Variants in CDKAL1 observed in about 807,000 individuals in gnomAD.
CDKAL1 encodes the protein CDKAL1 threonylcarbamoyladenosine tRNA methylthiotransferase, also known as threonylcarbamoyladenosine tRNA methylthiotransferase.
Under a neutral mutation model 68.2 loss-of-function variants are expected in CDKAL1, and 32 were observed. The ratio of observed to expected loss-of-function variants is 0.47; its 90% CI spans 0.35 to 0.63. The LOEUF is 0.63. Among genes scored for constraint, CDKAL1 ranks in the 30% least tolerant of loss-of-function variants. The probability of loss-of-function intolerance (pLI) is 0.00; values close to 1 mark genes in which losing one functional copy is unlikely to be tolerated. For synonymous variants in CDKAL1, 234 were observed against 244.3 expected (o/e 0.96, Z 0.39); for missense variants, 606 against 696.7 (o/e 0.87, Z 1.47).
chr6:20,926,938 T>G (rs9465936), intron 9 of CDKAL1, among the ~76,000 whole-genome samples: 59,439 of 147,792 alleles, frequency 0.4, 12,040 homozygotes, highest in African/African-American at 0.46. Context: ...TATATATATA[T>G]AGAGAGAGAG....
chr6:20,956,680 G>A (rs1190126035), intron 10 of CDKAL1, among the ~76,000 whole-genome samples: 2 of 151,992 alleles, frequency 1.3e-5, no homozygotes, highest in South Asian at 2.1e-4. Flanking sequence ...AGATTATTTC[G>A]CTGATTTGAT....
At chr6:20,862,226 A>G (rs1581718855) in intron 9 of CDKAL1, among the ~76,000 whole-genome samples, 1 of 152,320 alleles carries the variant, frequency 6.6e-6, no homozygotes, top group Admixed American at 6.5e-5. Context: ...CCAGTGGCCA[A>G]GTGGCTTACA....
chr6:20,859,587 A>G (rs1759508551), intron 9 of CDKAL1, among the ~76,000 whole-genome samples: 2 of 152,304 alleles, frequency 1.3e-5, no homozygotes, highest in Non-Finnish European at 1.5e-5. Flanking sequence ...CAGTGATAGC[A>G]TTGGTAATAT....
chr6:20,935,693 G>C (rs1298657855), intron 9 of CDKAL1, among the ~76,000 whole-genome samples: 1 of 152,250 alleles, frequency 6.6e-6, no homozygotes, highest in African/African-American at 2.4e-5. Flanking sequence ...GCCTCCCAAA[G>C]TGTTGGGATT....
intron 8 of CDKAL1, among the ~76,000 whole-genome samples, chr6:20,828,175 A>T (rs1352395473): frequency 6.6e-6 from 1 of 152,110 alleles, no homozygotes; most frequent in Non-Finnish European, 1.5e-5. Context: ...GGCAATCATT[A>T]TAGGGATAAA....
At chr6:20,615,958 T>C (rs1476239938) in intron 4 of CDKAL1, among the ~76,000 whole-genome samples, 8 of 150,526 alleles carry the variant, frequency 5.3e-5, no homozygotes, top group African/African-American at 1.9e-4. Context: ...GATTTTTGTA[T>C]AAGGTGTAAA....
At chr6:20,553,146 G>A (rs1280791484) in intron 4 of CDKAL1, among the ~76,000 whole-genome samples, 2 of 152,172 alleles carry the variant, frequency 1.3e-5, no homozygotes, top group Non-Finnish European at 2.9e-5. Flanking sequence ...GGGGAAGAAA[G>A]ATTATGTGGG....
At chr6:20,996,201 G>A (rs562517750) in intron 10 of CDKAL1, among the ~76,000 whole-genome samples, 3 of 152,300 alleles carry the variant, frequency 2.0e-5, no homozygotes, top group East Asian at 3.9e-4. Flanking sequence ...CTATCCAGAC[G>A]ACTGAAACTT....
chr6:20,983,995 T>G (rs1045012029), intron 10 of CDKAL1, among the ~76,000 whole-genome samples: 1 of 152,224 alleles, frequency 6.6e-6, no homozygotes, highest in Non-Finnish European at 1.5e-5. Context: ...GCACTGGGTT[T>G]ATATTCCATT....
At chr6:21,115,117 A>G (rs903424717) in intron 13 of CDKAL1, among the ~76,000 whole-genome samples, 2 of 152,330 alleles carry the variant, frequency 1.3e-5, no homozygotes, top group South Asian at 2.1e-4. Context: ...TAAATATGGA[A>G]AAGGGACAGT....
intron 10 of CDKAL1, among the ~76,000 whole-genome samples, chr6:20,991,130 CATAAT>C (rs1337194429): frequency 6.6e-6 from 1 of 152,194 alleles, no homozygotes; most frequent in African/African-American, 2.4e-5. Flanking sequence ...ATATAAAAAA[CATAAT>C]ATCGTTACAG....
intron 9 of CDKAL1, among the ~76,000 whole-genome samples, chr6:20,937,926 T>A (rs756654427): frequency 2.6e-5 from 4 of 151,842 alleles, no homozygotes; most frequent in Non-Finnish European, 4.4e-5. Context: ...ACTGTAAATA[T>A]CTTCCTTCTG....
chr6:20,838,349 G>C (rs894136263), intron 8 of CDKAL1, among the ~76,000 whole-genome samples: 3 of 152,006 alleles, frequency 2.0e-5, no homozygotes, highest in South Asian at 4.2e-4. Context: ...CTTTGTCTGG[G>C]TCTCAGCTTG....
intron 11 of CDKAL1, among the ~76,000 whole-genome samples, chr6:21,016,296 A>T (rs1055997139): frequency 1.3e-5 from 2 of 152,054 alleles, no homozygotes; most frequent in African/African-American, 4.8e-5. Context: ...ATTGGAACCC[A>T]GGTTTCCTAG....
chr6:21,136,289 A>C (rs1163897635), intron 13 of CDKAL1, among the ~76,000 whole-genome samples: 5 of 152,190 alleles, frequency 3.3e-5, no homozygotes, highest in African/African-American at 4.8e-5. Flanking sequence ...ACTCTCATTC[A>C]TTTATTGTCA....
chr6:20,833,626 A>G (rs1777810597), intron 8 of CDKAL1, among the ~76,000 whole-genome samples: 2 of 152,152 alleles, frequency 1.3e-5, no homozygotes, highest in South Asian at 2.1e-4. Context: ...AAAAAATCTC[A>G]TCGTAAAAGG....
chr6:20,734,579 A>G (rs1374685543), intron 5 of CDKAL1, among the ~76,000 whole-genome samples: 1 of 152,200 alleles, frequency 6.6e-6, no homozygotes, highest in Non-Finnish European at 1.5e-5. Flanking sequence ...TGAGAACAAA[A>G]ATACTGTGTG....
At chr6:21,163,511 A>G (rs918189126) in intron 13 of CDKAL1, among the ~76,000 whole-genome samples, 8 of 152,112 alleles carry the variant, frequency 5.3e-5, no homozygotes, top group African/African-American at 1.9e-4. Flanking sequence ...CATCCTAGTC[A>G]TGTTCCCTCT....
intron 4 of CDKAL1, among the ~76,000 whole-genome samples, chr6:20,575,441 C>CAAAAAAAA (rs57442477): frequency 1.1e-5 from 1 of 94,336 alleles, no homozygotes; most frequent in Non-Finnish European, 2.2e-5. Context: ...AGGGGCACCA[C>CAAAAAAAA]AAAAAAAAAA....
Sources: allele counts gnomAD v4.1 joint callset (sites outside exome capture counted in the v4.1 genomes callset), GRCh38; gene constraint gnomAD v4.1.1; transcripts MANE v1.5; gene names NCBI Gene and HGNC (gene_info 2026-07-23, HGNC 2026-07-21).